The following AKAP6 variants were observed in gnomAD, a reference collection of about 807,000 sequenced individuals.
The protein encoded by AKAP6 is A-kinase anchor protein 6.
Under a neutral mutation model 188.5 loss-of-function variants are expected in AKAP6, and 58 were observed. The ratio of observed to expected loss-of-function variants is 0.31; its 90% confidence interval spans 0.25 to 0.38. The LOEUF is 0.38. Among genes scored for constraint, AKAP6 ranks in the 10% least tolerant of loss-of-function variants. The probability of loss-of-function intolerance (pLI) is 1.00; values close to 1 mark genes in which losing one functional copy is unlikely to be tolerated. For missense variants in AKAP6, 2,710 were observed against 2,740.0 expected, an observed-to-expected ratio of 0.99 and a Z score of 0.24; for synonymous variants, 989 against 998.6, an observed-to-expected ratio of 0.99 and a Z score of 0.18.
chr14:32,474,885 G>A (rs1159129876), intron 2 of AKAP6, among the ~76,000 whole-genome samples: 1 of 152,164 alleles, frequency 6.6e-6, no homozygotes, highest in African/African-American at 2.4e-5. Flanking sequence ...TGGCAAAACG[G>A]ATGAAAATTC....
chr14:32,543,922 G>A (rs370314796), intron 3 of AKAP6, among the ~76,000 whole-genome samples: 7 of 152,164 alleles, frequency 4.6e-5, no homozygotes, highest in African/African-American at 1.7e-4. Context: ...TTATAGATGA[G>A]GACTCTGAGG....
At position 32,680,945 on chromosome 14, in the gene AKAP6, G is replaced by A. The variant is rs539642950; in HGVS notation, c.2879+2486G>A. Reference sequence around the variant, plus strand: ...GTAACAGAGTTTGTTCACCTGTGGGGAACAGTTGGCACTGGCTCCAGCATC... The same window carrying A: ...GTAACAGAGTTTGTTCACCTGTGGGAAACAGTTGGCACTGGCTCCAGCATC... On this transcript the variant is annotated intron_variant, in intron 8 of 13. Transcript: ENST00000280979. Among the ~76,000 whole-genome samples the A allele has an allele frequency of 2.6e-5, 4 of 152,304 alleles. No individual in the cohort carries two copies. The South Asian group carries it at 8.3e-4, about 32-fold the overall frequency.
At chr14:32,807,064 G>T (rs1401790629) in intron 12 of AKAP6, among the ~76,000 whole-genome samples, 1 of 79,558 alleles carries the variant, frequency 1.3e-5, no homozygotes, top group Non-Finnish European at 2.7e-5. Context: ...AAAGAAAGGG[G>T]GGGAAATATA....
intron 2 of AKAP6, among the ~76,000 whole-genome samples, chr14:32,496,474 A>G (rs923838475): frequency 2.0e-5 from 3 of 152,016 alleles, no homozygotes; most frequent in Admixed American, 2.0e-4. Flanking sequence ...AAGGATGTCT[A>G]AGGGGATTTG....
At chr14:32,689,578 G>A (rs897989967) in intron 8 of AKAP6, among the ~76,000 whole-genome samples, 1 of 152,092 alleles carries the variant, frequency 6.6e-6, no homozygotes, top group Non-Finnish European at 1.5e-5. Context: ...TAGTAAATTA[G>A]TGTCCACACT....
chr14:32,428,223 C>G (rs1890097812), intron 1 of AKAP6, among the ~76,000 whole-genome samples: 1 of 152,048 alleles, frequency 6.6e-6, no homozygotes, highest in Non-Finnish European at 1.5e-5. Flanking sequence ...CTCTGTCCAC[C>G]CAAAGACTCT....
intron 2 of AKAP6, among the ~76,000 whole-genome samples, chr14:32,525,117 T>A (rs1302413171): frequency 6.6e-6 from 1 of 152,216 alleles, no homozygotes; most frequent in Non-Finnish European, 1.5e-5. Context: ...ATTTTTTTAG[T>A]GAATGAACTC....
At chr14:32,794,595 A>C (rs1318696814) in intron 12 of AKAP6, among the ~76,000 whole-genome samples, 2 of 152,130 alleles carry the variant, frequency 1.3e-5, no homozygotes, top group Non-Finnish European at 2.9e-5. Flanking sequence ...GTTCTTCAAA[A>C]CTAATGAGAA....
rs527881547 is a variant in AKAP6, at chr14:32,688,761, G to A, written c.2880-7229G>A. Reference sequence around the variant, plus strand: ...AGAAGTGATGTCAAAGCACAATTCAGTAAGAACAGTTCTGTAAGTAACTAA... The same window carrying A: ...AGAAGTGATGTCAAAGCACAATTCAATAAGAACAGTTCTGTAAGTAACTAA... On this transcript the variant is annotated intron_variant, in intron 8 of 13. Coordinates refer to ENST00000280979, the MANE Select transcript of AKAP6 (RefSeq NM_004274.5). Among the ~76,000 whole-genome samples, 13 of 152,248 alleles carry A rather than the reference G, an allele frequency of 8.5e-5. No homozygotes were observed. In the East Asian group the frequency reaches 2.3e-3, roughly 27 times the overall value.
intron 1 of AKAP6, among the ~76,000 whole-genome samples, chr14:32,420,909 T>TTGTGTGTGTGTGTGTG (rs71432053): frequency 0.069 from 10,134 of 146,268 alleles, 392 homozygotes; most frequent in South Asian, 0.19. Context: ...GGAGATTGAT[T>TTGTGTGTGTGTGTGTG]TGTGTGTGTG....
chr14:32,378,619 A>G (rs1888235952), intron 1 of AKAP6, among the ~76,000 whole-genome samples: 1 of 152,226 alleles, frequency 6.6e-6, no homozygotes, highest in East Asian at 1.9e-4. Flanking sequence ...CCTCATGTGC[A>G]TGATCTATTA....
intron 7 of AKAP6, among the ~76,000 whole-genome samples, chr14:32,658,430 T>C (rs987277932): frequency 3.3e-5 from 5 of 152,136 alleles, no homozygotes; most frequent in African/African-American, 1.2e-4. Flanking sequence ...TTTTGTGATT[T>C]ACAACCTTGG....
chr14:32,683,607 G>T (rs1889787524), intron 8 of AKAP6, among the ~76,000 whole-genome samples: 1 of 152,134 alleles, frequency 6.6e-6, no homozygotes, highest in Non-Finnish European at 1.5e-5. Flanking sequence ...AGAGGCAGTG[G>T]GACACAAAAG....
intron 11 of AKAP6, among the ~76,000 whole-genome samples, chr14:32,748,142 A>T (rs1186344793): frequency 2.0e-5 from 3 of 152,210 alleles, no homozygotes; most frequent in Non-Finnish European, 4.4e-5. Flanking sequence ...AGTACATTCA[A>T]ATAAGGAAAA....
intron 9 of AKAP6, among the ~76,000 whole-genome samples, chr14:32,707,727 C>G (rs1890869559): frequency 6.6e-6 from 1 of 152,062 alleles, no homozygotes; most frequent in Non-Finnish European, 1.5e-5. Context: ...CAGAACTATG[C>G]TATCAATTCA....
intron 12 of AKAP6, among the ~76,000 whole-genome samples, chr14:32,777,855 T>G (rs548608985): frequency 3.2e-4 from 49 of 152,114 alleles, no homozygotes; most frequent in African/African-American, 1.1e-3. Flanking sequence ...CTGGGCAACA[T>G]AGCAAGACCT....
At chr14:32,686,434 G>C (rs1889928943) in intron 8 of AKAP6, among the ~76,000 whole-genome samples, 1 of 152,066 alleles carries the variant, frequency 6.6e-6, no homozygotes, top group Admixed American at 6.6e-5. Context: ...TTAAAATAAA[G>C]AAAAGAGTAT....
At chr14:32,498,733 C>G (rs1880452616) in intron 2 of AKAP6, among the ~76,000 whole-genome samples, 1 of 151,944 alleles carries the variant, frequency 6.6e-6, no homozygotes, top group African/African-American at 2.4e-5. Flanking sequence ...CTGGTGCACT[C>G]AAGATATCAT....
At chr14:32,556,822 A>G (rs977334876) in intron 4 of AKAP6, among the ~76,000 whole-genome samples, 1 of 151,906 alleles carries the variant, frequency 6.6e-6, no homozygotes, top group Admixed American at 6.6e-5. Context: ...CCGAGAATTC[A>G]CTGCCAAGCC....
Sources: allele counts gnomAD v4.1 joint callset (sites outside exome capture counted in the v4.1 genomes callset), GRCh38; gene constraint gnomAD v4.1.1; transcripts MANE v1.5; gene names NCBI Gene and HGNC (gene_info 2026-07-23, HGNC 2026-07-21).